The following ABCA13 variants were observed in gnomAD, a reference collection of about 807,000 sequenced individuals.
ABCA13 encodes the protein ATP binding cassette subfamily A member 13.
A neutral mutation model predicts 478.7 loss-of-function variants in ABCA13; 476 were observed. The ratio of observed to expected loss-of-function variants is 0.99; its 90% CI spans 0.92 to 1.07. ABCA13 has a LOEUF of 1.07. Among genes scored for constraint, ABCA13 ranks in the 50% least tolerant of loss-of-function variants. ABCA13 has a pLI of 0.00. For synonymous variants in ABCA13, 2,252 were observed against 2,158.9 expected, an observed-to-expected ratio of 1.04 and a Z score of -1.20; for missense variants, 6,060 against 5,910.6, an observed-to-expected ratio of 1.03 and a Z score of -0.83.
intron 24 of ABCA13, among the ~76,000 whole-genome samples, chr7:48,310,357 A>G (rs1167967056): frequency 6.6e-6 from 1 of 152,176 alleles, no homozygotes; most frequent in Non-Finnish European, 1.5e-5. Flanking sequence ...GAGACCCTTC[A>G]GGGGGTCCTT....
chr7:48,227,404 A>G lies in ABCA13; in HGVS notation c.611A>G (p.Asn204Ser). ...HVEDGMDVAV[N>S]LLQTILNSLI... is the part of the protein sequence containing the mutation. ...GAAGATGGCATGGATGTTGCAGTGA[A>G]CCTTCTCCAGACCATTTTGAAGTGA... The change falls in exon 6 of 62, where the codon AAC (asparagine) becomes AGC (serine). Residue 204 changes from asparagine to serine, a missense_variant. Transcript: ENST00000435803. The G allele has an allele frequency of 6.2e-7, 1 of 1,613,990 alleles. No individual in the cohort carries two copies.
chr7:48,204,231 A>G (rs928205890), intron 3 of ABCA13, among the ~76,000 whole-genome samples: 64 of 140,180 alleles, frequency 4.6e-4, no homozygotes, highest in African/African-American at 1.6e-3. Context: ...TTTTTTTTTG[A>G]GACAGTCTGG....
At chr7:48,395,145 C>T (rs375040621) in intron 38 of ABCA13, among the ~76,000 whole-genome samples, 1 of 152,288 alleles carries the variant, frequency 6.6e-6, no homozygotes, top group East Asian at 1.9e-4. Context: ...AGGTTTTGTT[C>T]CTTAGGCTGT....
At chr7:48,470,552 G>A (rs536689809) in intron 44 of ABCA13, among the ~76,000 whole-genome samples, 12 of 152,270 alleles carry the variant, frequency 7.9e-5, no homozygotes, top group African/African-American at 2.9e-4. Context: ...TTTCAAACTG[G>A]AGTCCCTATA....
chr7:48,291,131 G>C (rs1215583186), intron 20 of ABCA13, among the ~76,000 whole-genome samples: 1 of 152,110 alleles, frequency 6.6e-6, no homozygotes, highest in Non-Finnish European at 1.5e-5. Context: ...CTGCTTTGCT[G>C]TGGTGACATT....
intron 39 of ABCA13, among the ~76,000 whole-genome samples, 162 bp from the exon 40 acceptor site, chr7:48,410,358 C>T (rs761773218): frequency 1.3e-5 from 2 of 151,974 alleles, no homozygotes; most frequent in African/African-American, 4.8e-5. Context: ...TTCAGGGCCT[C>T]GAATTGGCAA....
intron 3 of ABCA13, among the ~76,000 whole-genome samples, chr7:48,198,714 G>T (rs1470014458): frequency 6.6e-6 from 1 of 152,128 alleles, no homozygotes; most frequent in East Asian, 1.9e-4. Flanking sequence ...ATTATTTTTT[G>T]AGCTACCTAC....
intron 52 of ABCA13, among the ~76,000 whole-genome samples, chr7:48,518,229 T>C (rs1832277198): frequency 6.6e-6 from 1 of 152,196 alleles, no homozygotes; most frequent in Non-Finnish European, 1.5e-5. Flanking sequence ...ATTTCCCTCC[T>C]CCCTCATCGG....
chr7:48,616,093 TATTC>T (rs1585994362), intron 59 of ABCA13, among the ~76,000 whole-genome samples: 3 of 152,252 alleles, frequency 2.0e-5, no homozygotes, highest in Non-Finnish European at 4.4e-5. Flanking sequence ...TAGAATAATT[TATTC>T]ATTTATGTTG....
chr7:48,333,984 C>G (rs148999639), intron 27 of ABCA13, among the ~76,000 whole-genome samples: 1 of 152,160 alleles, frequency 6.6e-6, no homozygotes, highest in African/African-American at 2.4e-5. Context: ...CGAGCTGATC[C>G]CCCTGTTGGT....
chr7:48,457,392 C>A (rs1057249183), intron 43 of ABCA13, among the ~76,000 whole-genome samples: 5 of 152,040 alleles, frequency 3.3e-5, no homozygotes, highest in Admixed American at 2.6e-4. Context: ...TGAGAATTTC[C>A]CTTCATGGTG....
At chr7:48,349,465 A>T (rs1489230952) in intron 29 of ABCA13, among the ~76,000 whole-genome samples, 1 of 152,190 alleles carries the variant, frequency 6.6e-6, no homozygotes, top group Admixed American at 6.5e-5. Flanking sequence ...AGGCCAGGAC[A>T]TGTCAACTGA....
At chr7:48,326,436 A>G (rs963191591) in intron 27 of ABCA13, among the ~76,000 whole-genome samples, 1 of 152,232 alleles carries the variant, frequency 6.6e-6, no homozygotes, top group Non-Finnish European at 1.5e-5. Context: ...CATAAAGCAC[A>G]TGAGTTCTTA....
chr7:48,178,286 G>GAAC (rs1313315869), intron 1 of ABCA13, among the ~76,000 whole-genome samples: 1 of 152,168 alleles, frequency 6.6e-6, no homozygotes, highest in Non-Finnish European at 1.5e-5. Context: ...GGCAGTGAGG[G>GAAC]AACACTTGCA....
At chr7:48,235,334 C>T (rs532167003) in intron 8 of ABCA13, among the ~76,000 whole-genome samples, 110 of 152,290 alleles carry the variant, frequency 7.2e-4, no homozygotes, top group African/African-American at 2.6e-3. Context: ...TAGTTTTCTC[C>T]ATCTTTATAA....
At chr7:48,445,286 G>A (rs1824147389) in intron 42 of ABCA13, among the ~76,000 whole-genome samples, 1 of 152,102 alleles carries the variant, frequency 6.6e-6, no homozygotes, top group South Asian at 2.1e-4. Context: ...TGGGATTACA[G>A]GCATGAGCCA....
chr7:48,526,458 T>C (rs937720016), intron 54 of ABCA13, among the ~76,000 whole-genome samples: 5 of 152,134 alleles, frequency 3.3e-5, no homozygotes, highest in African/African-American at 1.2e-4. Flanking sequence ...AGATGGAGAG[T>C]GCTATGCAAA....
At chr7:48,588,895 A>G (rs931066678) in intron 57 of ABCA13, among the ~76,000 whole-genome samples, 3 of 152,232 alleles carry the variant, frequency 2.0e-5, no homozygotes, top group South Asian at 2.1e-4. Flanking sequence ...TAAATTACAC[A>G]TACAACTCTC....
At chr7:48,606,122 T>G (rs951198337) in intron 58 of ABCA13, among the ~76,000 whole-genome samples, 1 of 152,180 alleles carries the variant, frequency 6.6e-6, no homozygotes, top group African/African-American at 2.4e-5. Context: ...CTAACCTTTT[T>G]TCAAGGTTCT....
Sources: allele counts gnomAD v4.1 joint callset (sites outside exome capture counted in the v4.1 genomes callset), GRCh38; gene constraint gnomAD v4.1.1; transcripts MANE v1.5; gene names NCBI Gene and HGNC (gene_info 2026-07-23, HGNC 2026-07-21).